The following RPAP2 variants were observed in gnomAD, a reference collection of about 807,000 sequenced individuals.
The protein encoded by RPAP2 is putative RNA polymerase II subunit B1 CTD phosphatase RPAP2.
Under a neutral mutation model 73.1 loss-of-function variants are expected in RPAP2, and 52 were observed. That is an observed-to-expected ratio of 0.71 (90% CI 0.57 to 0.90). The LOEUF (loss-of-function observed/expected upper bound fraction) is 0.90, where lower values mean the gene tolerates loss of function less well. Ranked by LOEUF, RPAP2 falls within the 40% of genes least tolerant of loss-of-function variation. The pLI, the probability that RPAP2 is intolerant of heterozygous loss-of-function variation, is 0.00. For missense variants in RPAP2, 598 were observed against 701.8 expected (o/e 0.85, Z 1.67); for synonymous variants, 225 against 242.1 (o/e 0.93, Z 0.65).
chr1:92,371,006 C>T (rs1465349524), intron 11 of RPAP2, among the ~76,000 whole-genome samples: 1 of 151,970 alleles, frequency 6.6e-6, no homozygotes, highest in East Asian at 1.9e-4. Context: ...TGTGGAGGTT[C>T]CTCAAGAAAT....
intron 11 of RPAP2, among the ~76,000 whole-genome samples, chr1:92,374,243 G>A (rs1655296861): frequency 6.6e-6 from 1 of 152,156 alleles, no homozygotes; most frequent in Non-Finnish European, 1.5e-5. Context: ...AGGAAGGGAG[G>A]AAGTGATCAG....
intron 6 of RPAP2, among the ~76,000 whole-genome samples, chr1:92,314,348 T>TG (rs1553150172): frequency 6.8e-5 from 10 of 147,334 alleles, no homozygotes; most frequent in African/African-American, 2.4e-4. Flanking sequence ...TTTTGGTTTT[T>TG]GGGTTTTTTT....
Position 92,300,221 on chromosome 1 carries a change from A to T in RPAP2, c.101A>T (p.Gln34Leu). ...ACTAAACAGACAAGTACTTTGAAAC[A>T]AGAAGATGCTTCTAAAAGGTATGAC... ...AGTKQTSTLK[Q>L]EDASKRKAEL... The change falls in exon 2 of 13, where the codon CAA becomes CTA. Residue 34 changes from glutamine (Q) to leucine (L), a missense_variant. Around this residue, in one of 3 missense-constraint regions of RPAP2, gnomAD observed 77 missense variants for 55.7 expected, o/e 1.38. Coordinates refer to ENST00000610020, the MANE Select transcript of RPAP2 (RefSeq NM_024813.3). The T allele has an allele frequency of 1.9e-6, 3 of 1,610,488 alleles. No individual in the cohort carries two copies. Among genetic ancestry groups the T allele is most frequent in the Non-Finnish European group, 2.5e-6 (3 of 1,176,994 alleles).
chr1:92,373,697 A>C (rs990276321), intron 11 of RPAP2, among the ~76,000 whole-genome samples: 25 of 141,362 alleles, frequency 1.8e-4, no homozygotes, highest in Admixed American at 1.5e-3. Context: ...GGAGTTCGAG[A>C]GCAGCCTGGC....
intron 10 of RPAP2, among the ~76,000 whole-genome samples, chr1:92,341,305 G>C (rs373644853): frequency 6.6e-6 from 1 of 151,902 alleles, no homozygotes; most frequent in African/African-American, 2.4e-5. Flanking sequence ...CACCATACCT[G>C]GCCTGAAAAA....
intron 8 of RPAP2, among the ~76,000 whole-genome samples, chr1:92,326,461 C>G (rs1026560768): frequency 6.6e-6 from 1 of 152,116 alleles, no homozygotes; most frequent in Non-Finnish European, 1.5e-5. Context: ...GTGGCACTTT[C>G]AAGAGAGCAT....
intron 6 of RPAP2, 60 bp from the exon 7 acceptor site, chr1:92,320,539 G>A (rs1229392269): frequency 9.8e-6 from 14 of 1,424,206 alleles, no homozygotes; most frequent in Non-Finnish European, 1.3e-5. Context: ...GAAAGTGCTG[G>A]GGTTACAGGC....
chr1:92,328,775 T>G (rs541676711), intron 8 of RPAP2, among the ~76,000 whole-genome samples: 1 of 152,220 alleles, frequency 6.6e-6, no homozygotes, highest in Admixed American at 6.5e-5. Flanking sequence ...TTGGGTAGAC[T>G]GTGAGAAGGA....
intron 11 of RPAP2, among the ~76,000 whole-genome samples, chr1:92,364,192 G>GT (rs1654839670): frequency 6.6e-6 from 1 of 152,124 alleles, no homozygotes; most frequent in Non-Finnish European, 1.5e-5. Flanking sequence ...GACCTTCAGG[G>GT]TTCCCTTCTT....
intron 12 of RPAP2, among the ~76,000 whole-genome samples, chr1:92,382,302 G>A (rs1218731663): frequency 6.6e-6 from 1 of 152,178 alleles, no homozygotes; most frequent in East Asian, 1.9e-4. Flanking sequence ...GGATAGCTGG[G>A]TCAAATGGTA....
At chr1:92,367,724 C>G (rs1557627004) in intron 11 of RPAP2, among the ~76,000 whole-genome samples, 1 of 152,182 alleles carries the variant, frequency 6.6e-6, no homozygotes, top group Non-Finnish European at 1.5e-5. Context: ...CCTCCAACCC[C>G]AAACCATAGA....
chr1:92,331,964 CT>C (rs2101221467), intron 8 of RPAP2, among the ~76,000 whole-genome samples: 1 of 152,116 alleles, frequency 6.6e-6, no homozygotes, highest in South Asian at 2.1e-4. Flanking sequence ...TGTCTTTTGG[CT>C]TACATTTGTA....
intron 6 of RPAP2, among the ~76,000 whole-genome samples, chr1:92,310,780 C>G (rs1244080720): frequency 6.6e-6 from 1 of 151,926 alleles, no homozygotes; most frequent in East Asian, 1.9e-4. Context: ...GCCTGTAGCC[C>G]CAGCTACTTG....
chr1:92,314,179 A>G (rs1401475638), intron 6 of RPAP2, among the ~76,000 whole-genome samples: 1 of 152,222 alleles, frequency 6.6e-6, no homozygotes, highest in Admixed American at 6.5e-5. Context: ...AAATAGGCCT[A>G]GCTTTTGGCC....
Position 92,350,675 on chromosome 1 carries a change from C to T in RPAP2, c.1688+4761C>T, listed in dbSNP as rs141018470. The stretch of plus-strand genomic sequence containing the variant: ...CTTCTATAGGCCAGGTGCAGTGGCT[C>T]ATGCCTGTAATCCCAGCACTCTGGG... On this transcript the variant is annotated intron_variant, in intron 11 of 12. Coordinates refer to ENST00000610020, the MANE Select transcript of RPAP2 (RefSeq NM_024813.3). 1.7e-3 allele frequency among the ~76,000 whole-genome samples: 259 copies of T among 152,348 alleles called. 7 individuals carry two copies. The East Asian group carries it at 0.045, about 27-fold the overall frequency.
intron 12 of RPAP2, among the ~76,000 whole-genome samples, chr1:92,382,221 T>A (rs2101451871): frequency 6.6e-6 from 1 of 152,302 alleles, no homozygotes; most frequent in African/African-American, 2.4e-5. Flanking sequence ...ATAGTGCCTC[T>A]ATAAACATAT....
At chr1:92,318,721 G>A (rs138548906) in intron 6 of RPAP2, among the ~76,000 whole-genome samples, 1 of 152,134 alleles carries the variant, frequency 6.6e-6, no homozygotes, top group African/African-American at 2.4e-5. Context: ...CTTGCTTTAT[G>A]ATTTATTTGT....
intron 8 of RPAP2, among the ~76,000 whole-genome samples, chr1:92,329,904 G>C (rs1652860198): frequency 6.6e-6 from 1 of 152,170 alleles, no homozygotes; most frequent in Admixed American, 6.5e-5. Context: ...GTAATCTGAG[G>C]AAAGTTTAAT....
intron 11 of RPAP2, among the ~76,000 whole-genome samples, chr1:92,372,101 G>A (rs563280533): frequency 1.3e-5 from 2 of 152,144 alleles, no homozygotes; most frequent in South Asian, 2.1e-4. Context: ...ACATCATGTT[G>A]TACTCCATAA....
Sources: allele counts gnomAD v4.1 joint callset (sites outside exome capture counted in the v4.1 genomes callset), GRCh38; gene constraint gnomAD v4.1.1; regional missense constraint gnomAD v4.1.1; transcripts MANE v1.5; gene names NCBI Gene and HGNC (gene_info 2026-07-23, HGNC 2026-07-21).